Variants in MBLAC2 observed in about 807,000 individuals in gnomAD.
MBLAC2 encodes acyl-coenzyme A thioesterase MBLAC2.
MBLAC2 carries 24 observed loss-of-function variants against 23.3 expected under a neutral mutation model. The observed-to-expected ratio is 1.03, with a 90% CI of 0.75 to 1.45. The LOEUF (loss-of-function observed/expected upper bound fraction) is 1.45. Ranked by LOEUF, MBLAC2 falls within the 40% of genes most tolerant of loss-of-function variation. The probability of loss-of-function intolerance (pLI) is 0.00; values close to 1 mark genes in which losing one functional copy is unlikely to be tolerated. For missense variants in MBLAC2, 358 were observed against 370.0 expected (o/e 0.97, Z 0.27); for synonymous variants, 162 against 150.9 (o/e 1.07, Z -0.54).
chr5:90,465,425 T>C (rs115994319), intron 1 of MBLAC2, among the ~76,000 whole-genome samples: 83 of 152,330 alleles, frequency 5.4e-4, no homozygotes, highest in African/African-American at 1.9e-3. Context: ...ATTGCTATGA[T>C]GGTAATGTAA....
At chr5:90,464,931 G>C (rs955902295) in intron 1 of MBLAC2, among the ~76,000 whole-genome samples, 1 of 152,100 alleles carries the variant, frequency 6.6e-6, no homozygotes, top group African/African-American at 2.4e-5. Context: ...ATACCTCTTT[G>C]AATAGAAAGT....
intron 1 of MBLAC2, 28 bp from the exon 2 acceptor site, chr5:90,461,580 A>C: frequency 6.3e-7 from 1 of 1,579,322 alleles, no homozygotes; most frequent in Non-Finnish European, 8.6e-7. Flanking sequence ...GTTTACAGAT[A>C]AACATGTTGT....
rs1354814700 is a variant in MBLAC2 at position 90,474,162 on chromosome 5, A to G, written c.131T>C (p.Ile44Thr). Residue 44 changes from isoleucine to threonine, a missense_variant, in exon 1 of 2, where the codon ATC becomes ACC. Transcript: ENST00000316610. ...LVRGSEQDVV[I>T]DTGLGLRSLP... The stretch of plus-strand genomic sequence containing the variant: ...GCTGCGCAGCCCCAGGCCTGTATCG[A>G]TCACCACGTCCTGCTCGGAGCCGCG... 1 of 1,600,488 alleles carries G rather than the reference A, an allele frequency of 6.2e-7. No homozygotes were observed. The highest frequency in any genetic ancestry group is 1.1e-5 in the South Asian group (1 of 89,136).
At chr5:90,468,881 C>T (rs958846537) in intron 1 of MBLAC2, among the ~76,000 whole-genome samples, 1 of 152,112 alleles carries the variant, frequency 6.6e-6, no homozygotes, top group African/African-American at 2.4e-5. Flanking sequence ...TTGAACTGAA[C>T]ACTAATAGTG....
In MBLAC2 at chr5:90,461,244, G is replaced by A; in HGVS notation, c.763C>T (p.His255Tyr). The stretch of plus-strand genomic sequence containing the variant: ...CGCATGGCAAAAGTAGAAACTTTGT[G>A]ACATATCCCAGCTTTTGAAATATAG... ...SNYISKAGIC[H>Y]KVSTFAMRSL... is the part of the protein sequence containing the mutation. The change falls in exon 2 of 2, where the codon CAC (histidine) becomes TAC (tyrosine). Residue 255 changes from histidine (H) to tyrosine (Y), a missense_variant. Physicochemically the swap from His to Tyr is moderately conservative, Grantham distance 83. Coordinates refer to ENST00000316610, the MANE Select transcript of MBLAC2 (RefSeq NM_203406.2). 6.2e-7 allele frequency: 1 copy of A among 1,614,030 alleles called. No homozygotes were observed. Among genetic ancestry groups the A allele is most frequent in the Non-Finnish European group, 8.5e-7 (1 of 1,179,980 alleles).
chr5:90,465,495 G>A lies in MBLAC2; in HGVS notation c.455-3943C>T, dbSNP rs1010147815. Among the ~76,000 whole-genome samples, 2 of 152,166 alleles carry A rather than the reference G, an allele frequency of 1.3e-5. 1 individual carries two copies. The highest frequency in any genetic ancestry group is 3.8e-4 in the East Asian group (2 of 5,200). ...ACTTTCTGCAATGATTGAAATGTTG[G>A]TTCTCAATACTGTTCAATATGGTGT... On this transcript the variant is annotated intron_variant, in intron 1 of 1. Transcript: ENST00000316610.
In MBLAC2 at chr5:90,474,100, C is replaced by T. The variant is rs748234458; in HGVS notation, c.193G>A (p.Asp65Asn). ...EYLYSSGLLQDREAKEDAARR... is the reference protein window; with the variant it reads ...EYLYSSGLLQNREAKEDAARR... ...GCCGCGTCCTCTTTGGCCTCTCGGTCCTGCAAGAGGCCGGAGGAGTACAGG... is the reference window on the plus strand; with the variant it reads ...GCCGCGTCCTCTTTGGCCTCTCGGTTCTGCAAGAGGCCGGAGGAGTACAGG... The change falls in exon 1 of 2, where the codon GAC becomes AAC. Residue 65 changes from aspartate (D) to asparagine (N), a missense_variant. By Grantham distance (23) the Asp-to-Asn change is conservative (BLOSUM62 1). Transcript: ENST00000316610. 88 of 1,576,234 alleles carry T rather than the reference C, an allele frequency of 5.6e-5. No homozygotes were observed. Among genetic ancestry groups the T allele is most frequent in the Non-Finnish European group, 7.1e-5 (82 of 1,161,050 alleles).
intron 1 of MBLAC2, among the ~76,000 whole-genome samples, chr5:90,471,025 G>A (rs899316637): frequency 6.6e-6 from 1 of 152,074 alleles, no homozygotes; most frequent in Non-Finnish European, 1.5e-5. Flanking sequence ...GTTTTTTAAG[G>A]CTTCAGCGGT....
rs754731839 is a variant in MBLAC2, at chr5:90,459,833, G to C, written c.*1334C>G. 2 of 152,374 alleles carry C rather than the reference G, an allele frequency of 1.3e-5. No homozygotes were observed. Among genetic ancestry groups the C allele is most frequent in the Non-Finnish European group, 2.9e-5 (2 of 67,948 alleles). The allele number at this position is 152,374 out of a possible 1,614,324, so 9.4% of individuals were successfully genotyped here. A position where few individuals can be genotyped will look rare whatever the true frequency, so the allele number is the denominator to read the frequency against. Reference sequence around the variant, plus strand: ...GAATGAATAAAAAACTAAAGAACCTGGGCATCTGTAGGGTAGAAAAGTTTT... The same window carrying C: ...GAATGAATAAAAAACTAAAGAACCTCGGCATCTGTAGGGTAGAAAAGTTTT... On this transcript the variant is annotated 3_prime_UTR_variant, in exon 2 of 2. Transcript: ENST00000316610.
rs776950849 is a variant in MBLAC2, at chr5:90,458,621, AC to A, written c.*2545del. ...ATCATTTCATTTATTCTTGGCACACACGGCATCTTGGAAAGTAAAAATACAT... is the reference window on the plus strand; with the variant it reads ...ATCATTTCATTTATTCTTGGCACACAGGCATCTTGGAAAGTAAAAATACAT... On this transcript the variant is annotated 3_prime_UTR_variant, in exon 2 of 2. Transcript: ENST00000316610. 6.6e-6 allele frequency: 1 copy of A among 152,200 alleles called. No homozygotes were observed. Among genetic ancestry groups the A allele is most frequent in the African/African-American group, 2.4e-5 (1 of 41,456 alleles). The allele number at this position is 152,200 out of a possible 1,614,324, so 9.4% of individuals were successfully genotyped here.
Position 90,474,395 on chromosome 5 carries a change from A to G in MBLAC2, c.-103T>C. The G allele has an allele frequency of 1.8e-6, 2 of 1,090,898 alleles. No homozygotes were observed. The highest frequency in any genetic ancestry group is 2.7e-6 in the Non-Finnish European group (2 of 737,506). 67.6% of individuals were successfully genotyped at this position (1,090,898 alleles called of 1,614,324 possible). On this transcript the variant is annotated 5_prime_UTR_variant, in exon 1 of 2. Coordinates refer to ENST00000316610, the MANE Select transcript of MBLAC2 (RefSeq NM_203406.2). ...CGGCTGTGTGAAGCGGTCTGCCTGC[A>G]GCCAGGGAGGAGGCGTAGAGCGAGG...
chr5:90,470,712 ACT>A (rs915652295), intron 1 of MBLAC2, among the ~76,000 whole-genome samples: 4 of 149,662 alleles, frequency 2.7e-5, no homozygotes, highest in African/African-American at 9.9e-5. Flanking sequence ...ACACACACAC[ACT>A]CTTTCTCCTG....
At chr5:90,468,308 C>G (rs1032134546) in intron 1 of MBLAC2, among the ~76,000 whole-genome samples, 1 of 152,124 alleles carries the variant, frequency 6.6e-6, no homozygotes, top group Non-Finnish European at 1.5e-5. Flanking sequence ...TTAGATTTAT[C>G]TTCTTCCTTG....
At chr5:90,464,321 C>T (rs1016284367) in intron 1 of MBLAC2, among the ~76,000 whole-genome samples, 1 of 152,146 alleles carries the variant, frequency 6.6e-6, no homozygotes, top group Non-Finnish European at 1.5e-5. Flanking sequence ...CTCCTGTAAT[C>T]CCAGCACTTT....
At chr5:90,463,701 CA>C in intron 1 of MBLAC2, among the ~76,000 whole-genome samples, 1 of 151,992 alleles carries the variant, frequency 6.6e-6, no homozygotes, top group Admixed American at 6.5e-5. Flanking sequence ...AAAAGAAGAA[CA>C]AATCAAACAC....
intron 1 of MBLAC2, among the ~76,000 whole-genome samples, chr5:90,466,483 T>A (rs930963093): frequency 2.0e-5 from 3 of 152,108 alleles, no homozygotes; most frequent in African/African-American, 4.8e-5. Context: ...ACAACAATCA[T>A]AAAACACGAG....
chr5:90,471,605 C>A (rs1348086777), intron 1 of MBLAC2: 2 of 152,144 alleles, frequency 1.3e-5, no homozygotes, highest in Non-Finnish European at 2.9e-5. Context: ...TTCTCCATGA[C>A]AAGTGATCAT....
Position 90,473,977 on chromosome 5 carries a change from C to A in MBLAC2, c.316G>T (p.Glu106Ter), listed in dbSNP as rs527320315. 29 of 1,598,412 alleles carry A rather than the reference C, an allele frequency of 1.8e-5. No homozygotes were observed. The highest frequency in any genetic ancestry group is 3.4e-5 in the South Asian group (3 of 88,374). The change falls in exon 1 of 2, where the codon GAG becomes TAG. Residue 106 changes from glutamate (E) to a stop codon, truncating the protein, a stop_gained. Coordinates refer to ENST00000316610, the MANE Select transcript of MBLAC2 (RefSeq NM_203406.2). LOFTEE classifies it high-confidence loss of function. ...DRVAVHHAEA[E>*]ALARGDNFET... Reference sequence around the variant, plus strand: ...AAGTTGTCCCCGCGAGCCAGCGCCTCGGCCTCGGCGTGGTGCACTGCCACG... The same window carrying A: ...AAGTTGTCCCCGCGAGCCAGCGCCTAGGCCTCGGCGTGGTGCACTGCCACG...
At chr5:90,468,751 A>C (rs1490474439) in intron 1 of MBLAC2, among the ~76,000 whole-genome samples, 1 of 152,174 alleles carries the variant, frequency 6.6e-6, no homozygotes, top group Non-Finnish European at 1.5e-5. Flanking sequence ...AGTGGAATAA[A>C]ATTGGAAATC....
Sources: allele counts gnomAD v4.1 joint callset (sites outside exome capture counted in the v4.1 genomes callset), GRCh38; gene constraint gnomAD v4.1.1; transcripts MANE v1.5; gene names NCBI Gene and HGNC (gene_info 2026-07-23, HGNC 2026-07-21).